Variants in ALPK1 observed in about 807,000 individuals in gnomAD.
ALPK1 encodes alpha-protein kinase 1.
A neutral mutation model predicts 120.6 loss-of-function variants in ALPK1; 110 were observed. The ratio of observed to expected loss-of-function variants is 0.91; its 90% CI spans 0.78 to 1.07. ALPK1 has a LOEUF of 1.07. Ranked by LOEUF, ALPK1 falls within the 50% of genes least tolerant of loss-of-function variation. The pLI is 0.00. For missense variants in ALPK1, 1,498 were observed against 1,483.9 expected (o/e 1.01, Z -0.16); for synonymous variants, 582 against 560.3 (o/e 1.04, Z -0.55).
chr4:112,385,752 A>G (rs930192317), intron 4 of ALPK1, among the ~76,000 whole-genome samples: 9 of 152,194 alleles, frequency 5.9e-5, no homozygotes, highest in Admixed American at 5.9e-4. Flanking sequence ...TCAATATTAG[A>G]GTTTGTCAGA....
intron 2 of ALPK1, among the ~76,000 whole-genome samples, chr4:112,353,378 T>G (rs976399517): frequency 3.3e-5 from 5 of 152,212 alleles, no homozygotes; most frequent in African/African-American, 1.2e-4. Flanking sequence ...TTCTTATACA[T>G]AGCCCCTAGA....
chr4:112,339,565 A>G (rs1341566504), intron 2 of ALPK1, among the ~76,000 whole-genome samples: 1 of 152,260 alleles, frequency 6.6e-6, no homozygotes, highest in Non-Finnish European at 1.5e-5. Context: ...TTATTAAAGG[A>G]ATGTCATCAG....
intron 1 of ALPK1, among the ~76,000 whole-genome samples, chr4:112,299,538 ATT>A (rs1277395137): frequency 6.6e-6 from 1 of 152,128 alleles, no homozygotes; most frequent in Non-Finnish European, 1.5e-5. Flanking sequence ...TAATCTGCAG[ATT>A]TGGCAAAAAT....
intron 5 of ALPK1, among the ~76,000 whole-genome samples, chr4:112,420,512 G>A (rs944605561): frequency 3.3e-5 from 5 of 152,124 alleles, no homozygotes; most frequent in Non-Finnish European, 5.9e-5. Context: ...TTCTTCTGGG[G>A]ACACAGAGAC....
At chr4:112,405,481 T>C (rs1472889058) in intron 4 of ALPK1, among the ~76,000 whole-genome samples, 1 of 152,168 alleles carries the variant, frequency 6.6e-6, no homozygotes, top group Non-Finnish European at 1.5e-5. Context: ...TTTCTTTTCA[T>C]AGAATTTTCT....
At chr4:112,408,207 C>T (rs1027080631) in intron 4 of ALPK1, among the ~76,000 whole-genome samples, 1 of 152,126 alleles carries the variant, frequency 6.6e-6, no homozygotes, top group South Asian at 2.1e-4. Flanking sequence ...TGAGTACCCC[C>T]CAAGGTCCAT....
chr4:112,321,749 G>A (rs2110545960), intron 2 of ALPK1, among the ~76,000 whole-genome samples: 1 of 152,178 alleles, frequency 6.6e-6, no homozygotes, highest in South Asian at 2.1e-4. Context: ...AAGATTAATG[G>A]ATCTTTACTG....
At chr4:112,436,628 A>G (rs533361769) in intron 12 of ALPK1, among the ~76,000 whole-genome samples, 1 of 152,348 alleles carries the variant, frequency 6.6e-6, no homozygotes, top group African/African-American at 2.4e-5. Context: ...ATGTTGCCTC[A>G]TAGCAGAGAA....
intron 2 of ALPK1, among the ~76,000 whole-genome samples, chr4:112,326,504 G>A (rs577827592): frequency 1.3e-5 from 2 of 152,200 alleles, no homozygotes; most frequent in South Asian, 2.1e-4. Context: ...AAGTCTTAAT[G>A]GAATGAATAA....
chr4:112,354,522 T>C (rs557516276), intron 2 of ALPK1, among the ~76,000 whole-genome samples: 10 of 152,312 alleles, frequency 6.6e-5, no homozygotes, highest in Non-Finnish European at 1.3e-4. Context: ...GGCTGGAGTG[T>C]AATGGCATAA....
intron 2 of ALPK1, among the ~76,000 whole-genome samples, chr4:112,371,724 A>T (rs552317809): frequency 1.3e-5 from 2 of 152,366 alleles, no homozygotes; most frequent in African/African-American, 4.8e-5. Flanking sequence ...GTTGCAAGTG[A>T]GGAAACCAAA....
At chr4:112,438,785 G>T in intron 13 of ALPK1, 139 bp downstream of exon 13, 1 of 920,386 alleles carries the variant, frequency 1.1e-6, no homozygotes, top group Non-Finnish European at 1.6e-6. Flanking sequence ...CTTTCCAAGA[G>T]AGAAAGAACC....
chr4:112,304,127 A>G (rs948348709), intron 1 of ALPK1, among the ~76,000 whole-genome samples: 11 of 151,968 alleles, frequency 7.2e-5, no homozygotes, highest in African/African-American at 2.7e-4. Context: ...TATGTGCCAC[A>G]TTTTCTTAAT....
At chr4:112,382,368 A>G (rs1230350626) in intron 3 of ALPK1, 30 bp from the exon 4 acceptor site, 4 of 1,600,622 alleles carry the variant, frequency 2.5e-6, no homozygotes, top group Admixed American at 3.4e-5. Flanking sequence ...TTTGACTGCA[A>G]TTTCCTTACC....
chr4:112,382,789 A>G (rs1027939262), intron 4 of ALPK1: 4 of 480,540 alleles, frequency 8.3e-6, no homozygotes, highest in African/African-American at 3.9e-5. Flanking sequence ...TGAGTCTAAC[A>G]TGAACCCTGT....
intron 9 of ALPK1, among the ~76,000 whole-genome samples, 153 bp from the exon 10 acceptor site, chr4:112,428,993 TTAG>T (rs1215990621): frequency 6.6e-6 from 1 of 152,218 alleles, no homozygotes; most frequent in Non-Finnish European, 1.5e-5. Context: ...CTTGTGGTCT[TTAG>T]ACCCACTTAC....
At chr4:112,313,277 C>G (rs1038850247) in intron 1 of ALPK1, among the ~76,000 whole-genome samples, 8 of 152,148 alleles carry the variant, frequency 5.3e-5, no homozygotes, top group African/African-American at 1.4e-4. Flanking sequence ...ATCAAGAGAT[C>G]TAGAAGAAGA....
intron 5 of ALPK1, among the ~76,000 whole-genome samples, chr4:112,416,011 T>A (rs1003248484): frequency 2.6e-5 from 4 of 152,254 alleles, no homozygotes; most frequent in Non-Finnish European, 4.4e-5. Context: ...TAAAAATTTC[T>A]AAATGCTCAC....
rs181845582 is a variant in ALPK1, at chr4:112,414,036, C to G, written c.475+2011C>G. 1.4e-3 allele frequency among the ~76,000 whole-genome samples: 209 copies of G among 152,302 alleles called. 3 individuals are homozygous for G. Among genetic ancestry groups the G allele is most frequent in the Admixed American group, 3.7e-3 (56 of 15,294 alleles). On this transcript the variant is annotated intron_variant, in intron 5 of 15. Coordinates refer to ENST00000650871, the MANE Select transcript of ALPK1 (RefSeq NM_025144.4). ...TGGAGCCTCCACCTACACTGGGTGT[C>G]TCAGAGAGAGAGAAGGACTGGGACT...
Sources: gnomAD v4.1 joint callset for allele counts (sites outside exome capture counted in the v4.1 genomes callset) on GRCh38, gnomAD v4.1.1 for gene constraint, MANE v1.5 for transcripts, NCBI Gene and HGNC (gene_info 2026-07-23, HGNC 2026-07-21) for gene names.